Variants in OSBPL1A observed in about 807,000 individuals in gnomAD.
OSBPL1A encodes oxysterol binding protein like 1A, also known as oxysterol-binding protein-related protein 1.
OSBPL1A carries 80 observed loss-of-function variants against 137.1 expected under a neutral mutation model. The ratio of observed to expected loss-of-function variants is 0.58; its 90% CI spans 0.49 to 0.70. The LOEUF (loss-of-function observed/expected upper bound fraction) is 0.70. Ranked by LOEUF, OSBPL1A falls within the 30% of genes least tolerant of loss-of-function variation. The pLI, the probability that OSBPL1A is intolerant of heterozygous loss-of-function variation, is 0.00. For missense variants in OSBPL1A, 970 were observed against 1,129.4 expected, an observed-to-expected ratio of 0.86 and a Z score of 2.02; for synonymous variants, 365 against 389.7, an observed-to-expected ratio of 0.94 and a Z score of 0.75.
chr18:24,173,633 G>A (rs185395306), intron 21 of OSBPL1A, among the ~76,000 whole-genome samples: 30 of 152,264 alleles, frequency 2.0e-4, no homozygotes, highest in African/African-American at 5.5e-4. Flanking sequence ...GGCTGGTCTC[G>A]AACTCCTGAC....
intron 1 of OSBPL1A, among the ~76,000 whole-genome samples, chr18:24,394,987 G>A (rs1275366941): frequency 6.6e-6 from 1 of 151,240 alleles, no homozygotes; most frequent in Non-Finnish European, 1.5e-5. Flanking sequence ...AGTGGCAGAG[G>A]CCACGTGAGG....
At chr18:24,353,503 A>G (rs1238611257) in intron 4 of OSBPL1A, among the ~76,000 whole-genome samples, 9 of 152,058 alleles carry the variant, frequency 5.9e-5, no homozygotes, top group African/African-American at 2.2e-4. Context: ...TGTGGAAATC[A>G]GTGTGGCGAT....
chr18:24,318,273 G>A (rs1342398017), intron 9 of OSBPL1A, among the ~76,000 whole-genome samples: 3 of 151,854 alleles, frequency 2.0e-5, no homozygotes, highest in African/African-American at 4.8e-5. Flanking sequence ...TTGAACCCTC[G>A]TCTCTACTAA....
chr18:24,340,530 C>A (rs550819040), intron 5 of OSBPL1A, among the ~76,000 whole-genome samples: 1 of 152,120 alleles, frequency 6.6e-6, no homozygotes, highest in South Asian at 2.1e-4. Flanking sequence ...GCGAGCCAGG[C>A]ACGGTGGCTC....
At chr18:24,225,252 G>T in intron 16 of OSBPL1A, 54 bp from the exon 17 acceptor site, 2 of 1,589,078 alleles carry the variant, frequency 1.3e-6, no homozygotes, top group Non-Finnish European at 1.7e-6. Flanking sequence ...TGAGGCTTCC[G>T]TAACAATGGA....
intron 4 of OSBPL1A, among the ~76,000 whole-genome samples, chr18:24,351,353 A>AAAAAAAAAAAAAAAAAAAAAAAAAC (rs2091437212): frequency 6.7e-6 from 1 of 149,582 alleles, no homozygotes. Context: ...GTCTCAAAAA[A>AAAAAAAAAAAAAAAAAAAAAAAAAC]AAAAAAAAAA....
At chr18:24,252,921 A>G (rs2089144465) in intron 15 of OSBPL1A, among the ~76,000 whole-genome samples, 1 of 152,180 alleles carries the variant, frequency 6.6e-6, no homozygotes, top group Non-Finnish European at 1.5e-5. Context: ...GTTATAAGAC[A>G]GTATTTGCAA....
intron 4 of OSBPL1A, chr18:24,347,807 A>G (rs2146166156): frequency 7.4e-6 from 1 of 135,824 alleles, no homozygotes; most frequent in Admixed American, 8.2e-5. Flanking sequence ...ATGCCACTGC[A>G]CTCCATCCTG....
intron 16 of OSBPL1A, among the ~76,000 whole-genome samples, chr18:24,233,510 G>C (rs1393184491): frequency 6.6e-6 from 1 of 152,182 alleles, no homozygotes; most frequent in South Asian, 2.1e-4. Flanking sequence ...AGGGAGGACA[G>C]AAACATCAAT....
intron 18 of OSBPL1A, among the ~76,000 whole-genome samples, chr18:24,188,325 C>T (rs1051616499): frequency 6.6e-6 from 1 of 152,214 alleles, no homozygotes; most frequent in Non-Finnish European, 1.5e-5. Context: ...GGCAGCTGTC[C>T]ACAGCCACGG....
chr18:24,279,933 G>A (rs1174389835), intron 15 of OSBPL1A, among the ~76,000 whole-genome samples: 3 of 149,576 alleles, frequency 2.0e-5, no homozygotes, highest in East Asian at 3.9e-4. Flanking sequence ...TCTGCCTCCC[G>A]GGTTCAAGTG....
At chr18:24,358,146 T>TTCTCTTG (rs2091566609) in intron 4 of OSBPL1A, 5 of 393,588 alleles carry the variant, frequency 1.3e-5, no homozygotes, top group Non-Finnish European at 2.3e-5. Flanking sequence ...TGTCCTGGTA[T>TTCTCTTG]TCTCTTGTCC....
intron 16 of OSBPL1A, among the ~76,000 whole-genome samples, chr18:24,233,973 C>T (rs2088363066): frequency 6.6e-6 from 1 of 151,964 alleles, no homozygotes; most frequent in African/African-American, 2.4e-5. Flanking sequence ...AAACAAAACA[C>T]AAGGAGGCTA....
intron 20 of OSBPL1A, 83 bp from the exon 21 acceptor site, chr18:24,178,278 T>G: frequency 8.1e-7 from 1 of 1,227,114 alleles, no homozygotes; most frequent in Non-Finnish European, 1.1e-6. Flanking sequence ...ATAATTGCCC[T>G]TTCAAAGTAA....
rs970690279 is a variant in OSBPL1A, at chr18:24,225,208, A to G, written c.1445-10T>C. 3 of 1,613,990 alleles carry G rather than the reference A, an allele frequency of 1.9e-6. No homozygotes were observed. The highest frequency in any genetic ancestry group is 8.5e-7 in the Non-Finnish European group (1 of 1,179,906). ...CTTTCGGACTCGGAATCTGTGGCAGAGCAGGTTCATAGTTAATGAATTGAA... is the reference window on the plus strand; with the variant it reads ...CTTTCGGACTCGGAATCTGTGGCAGGGCAGGTTCATAGTTAATGAATTGAA... On this transcript the variant is annotated splice_polypyrimidine_tract_variant and intron_variant, in intron 16 of 27. Transcript: ENST00000319481.
chr18:24,265,704 T>C (rs1341942566), intron 15 of OSBPL1A, among the ~76,000 whole-genome samples: 1 of 152,160 alleles, frequency 6.6e-6, no homozygotes, highest in Non-Finnish European at 1.5e-5. Context: ...GAGCATAGCA[T>C]GTAGCATGTT....
chr18:24,298,944 A>G (rs183826818), intron 14 of OSBPL1A, among the ~76,000 whole-genome samples: 158 of 152,226 alleles, frequency 1.0e-3, no homozygotes, highest in East Asian at 5.8e-4. Flanking sequence ...TAGGATTGTA[A>G]TATCTTCTTC....
chr18:24,293,125 A>AAAG (rs1555646140), intron 14 of OSBPL1A, among the ~76,000 whole-genome samples: 11 of 82,112 alleles, frequency 1.3e-4, no homozygotes, highest in African/African-American at 3.2e-4. Flanking sequence ...AAAAAAAAAA[A>AAAG]AAAGAAAAGA....
intron 5 of OSBPL1A, among the ~76,000 whole-genome samples, chr18:24,341,287 G>T (rs544408425): frequency 1.3e-5 from 2 of 152,086 alleles, no homozygotes; most frequent in Non-Finnish European, 2.9e-5. Context: ...GGTTACAGGC[G>T]TGAGCCACCG....
Sources: gnomAD v4.1 joint callset for allele counts (sites outside exome capture counted in the v4.1 genomes callset) on GRCh38, gnomAD v4.1.1 for gene constraint, MANE v1.5 for transcripts, NCBI Gene and HGNC (gene_info 2026-07-23, HGNC 2026-07-21) for gene names.